The following ATP8A1 variants were observed in gnomAD, a reference collection of about 807,000 sequenced individuals.
ATP8A1 encodes the protein ATPase phospholipid transporting 8A1.
ATP8A1 carries 90 observed loss-of-function variants against 177.7 expected under a neutral mutation model. That is an observed-to-expected ratio of 0.51 (90% confidence interval 0.43 to 0.60). ATP8A1 has a LOEUF of 0.60. Among genes scored for constraint, ATP8A1 ranks in the 20% least tolerant of loss-of-function variants. The pLI is 0.00. For synonymous variants in ATP8A1, 493 were observed against 485.9 expected, an observed-to-expected ratio of 1.01 and a Z score of -0.19; for missense variants, 1,072 against 1,392.8, an observed-to-expected ratio of 0.77 and a Z score of 3.67.
chr4:42,543,416 A>C (rs1014755522), intron 20 of ATP8A1, among the ~76,000 whole-genome samples: 2 of 152,176 alleles, frequency 1.3e-5, no homozygotes, highest in Non-Finnish European at 2.9e-5. Context: ...ATTCAGTTAG[A>C]ATAACATATT....
rs567164882 is a variant in ATP8A1, at chr4:42,529,401, C to T, written c.1723-4554G>A. ...CATTTGACCATGGGTCATCAAGTCA[C>T]GATGCGACCTGAACTGCGTATCATG... is the stretch of plus-strand genomic sequence containing the variant. On this transcript the variant is annotated intron_variant, in intron 20 of 36. Coordinates refer to ENST00000381668, the MANE Select transcript of ATP8A1 (RefSeq NM_006095.2). Among the ~76,000 whole-genome samples, 29 of 152,310 alleles carry T rather than the reference C, an allele frequency of 1.9e-4. No individual in the cohort carries two copies. The South Asian group carries it at 5.0e-3, about 26-fold the overall frequency.
chr4:42,414,289 T>C (rs554003074), intron 36 of ATP8A1, among the ~76,000 whole-genome samples: 2 of 152,234 alleles, frequency 1.3e-5, no homozygotes, highest in Non-Finnish European at 2.9e-5. Context: ...TGAAAGGCTC[T>C]TGCAAAGTTA....
In ATP8A1 at chr4:42,500,947, T is replaced by C. The variant is rs185174737; in HGVS notation, c.2151+2503A>G. 7.2e-5 allele frequency among the ~76,000 whole-genome samples: 11 copies of C among 152,320 alleles called. No individual in the cohort carries two copies. In the East Asian group the frequency reaches 1.9e-3, roughly 27 times the overall value. On this transcript the variant is annotated intron_variant, in intron 24 of 36. Transcript: ENST00000381668. Reference sequence around the variant, plus strand: ...ATTTCTTCGGTGGTGATCTAGATTATGGAAGACAAAGATTTCTATTATCAT... The same window carrying C: ...ATTTCTTCGGTGGTGATCTAGATTACGGAAGACAAAGATTTCTATTATCAT...
chr4:42,496,125 CT>C (rs1435443879), intron 24 of ATP8A1, among the ~76,000 whole-genome samples: 1 of 152,140 alleles, frequency 6.6e-6, no homozygotes, highest in Non-Finnish European at 1.5e-5. Context: ...CAAATAAGTG[CT>C]TGCGAGGCAT....
intron 20 of ATP8A1, among the ~76,000 whole-genome samples, chr4:42,530,839 GGTGGAA>G (rs1484332116): frequency 6.6e-6 from 1 of 152,100 alleles, no homozygotes; most frequent in Non-Finnish European, 1.5e-5. Context: ...GGAATCAAGG[GGTGGAA>G]GTGGAAGTGG....
chr4:42,571,376 C>CA (rs148276106), intron 14 of ATP8A1, among the ~76,000 whole-genome samples: 2,554 of 151,658 alleles, frequency 0.017, 72 homozygotes, highest in African/African-American at 0.058. Context: ...CTTGTCCACA[C>CA]AAAAAAGCAT....
chr4:42,541,728 A>G lies in ATP8A1; in HGVS notation c.1722+2189T>C, dbSNP rs115929897. ...TCAAGCCATGAAAAGACATGGAGGA[A>G]CCTTAAATGAATATTACTAAGTGAA... On this transcript the variant is annotated intron_variant, in intron 20 of 36. Transcript: ENST00000381668. Among the ~76,000 whole-genome samples the G allele has an allele frequency of 4.6e-3, 704 of 152,310 alleles. 6 individuals carry two copies. Among genetic ancestry groups the G allele is most frequent in the African/African-American group, 0.015 (637 of 41,556 alleles).
At position 42,441,024 on chromosome 4, in the gene ATP8A1, T is replaced by C. The variant is rs145070646; in HGVS notation, c.3123+2541A>G. ...GATTAGATACTTATGACCCTGTTAG[T>C]GGTGGTGACAGAAATTACCTACACC... On this transcript the variant is annotated intron_variant, in intron 33 of 36. Coordinates refer to ENST00000381668, the MANE Select transcript of ATP8A1 (RefSeq NM_006095.2). 1.7e-3 allele frequency among the ~76,000 whole-genome samples: 260 copies of C among 152,308 alleles called. 1 individual carries two copies. Among genetic ancestry groups the C allele is most frequent in the African/African-American group, 5.5e-3 (230 of 41,566 alleles).
chr4:42,600,396 C>T, intron 6 of ATP8A1, 82 bp downstream of exon 6: 2 of 1,099,400 alleles, frequency 1.8e-6, no homozygotes, highest in Non-Finnish European at 2.5e-6. Flanking sequence ...CACATTTGCT[C>T]ATATTATACA....
At chr4:42,588,175 T>G (rs1410054667) in intron 8 of ATP8A1, 85 bp downstream of exon 8, 1 of 1,200,396 alleles carries the variant, frequency 8.3e-7, no homozygotes, top group Admixed American at 2.0e-5. Flanking sequence ...ACAGATTAGT[T>G]CAAGACAATA....
chr4:42,568,948 A>T (rs545114057), intron 15 of ATP8A1, among the ~76,000 whole-genome samples: 1 of 152,282 alleles, frequency 6.6e-6, no homozygotes, highest in South Asian at 2.1e-4. Flanking sequence ...TGGCAAACCT[A>T]ATCTATAAAC....
intron 7 of ATP8A1, 102 bp from the exon 8 acceptor site, chr4:42,588,431 C>T: frequency 1.1e-6 from 1 of 916,696 alleles, no homozygotes; most frequent in South Asian, 1.7e-5. Context: ...TCGTTCTAGA[C>T]AAAGTAATAG....
At chr4:42,618,535 C>A (rs1465612087) in intron 4 of ATP8A1, among the ~76,000 whole-genome samples, 2 of 152,174 alleles carry the variant, frequency 1.3e-5, no homozygotes, top group African/African-American at 4.8e-5. Flanking sequence ...ACATGCCATC[C>A]ATTTACCCAA....
intron 1 of ATP8A1, among the ~76,000 whole-genome samples, chr4:42,631,928 AATG>A (rs1317849129): frequency 6.6e-6 from 1 of 152,200 alleles, no homozygotes; most frequent in African/African-American, 2.4e-5. Context: ...ACACAAAGTA[AATG>A]ATGATAGTAA....
intron 6 of ATP8A1, chr4:42,594,500 G>T: frequency 1.7e-6 from 1 of 590,224 alleles, no homozygotes; most frequent in Admixed American, 2.7e-5. Flanking sequence ...CAAAATGGAA[G>T]AAAATTATCT....
intron 9 of ATP8A1, 46 bp from the exon 10 acceptor site, chr4:42,581,778 C>T: frequency 2.2e-6 from 3 of 1,376,558 alleles, no homozygotes; most frequent in Non-Finnish European, 3.1e-6. Flanking sequence ...TTCTAAAATG[C>T]TTAAGAACTC....
In ATP8A1 at chr4:42,455,561, G is replaced by C; in HGVS notation, c.2658C>G (p.Ile886Met). 1 of 1,613,486 alleles carries C rather than the reference G, an allele frequency of 6.2e-7. No individual in the cohort carries two copies. Among genetic ancestry groups the C allele is most frequent in the Non-Finnish European group, 8.5e-7 (1 of 1,179,730 alleles). Reference sequence around the variant, plus strand: ...GACCTATACACCATCTTTCAAAGAGGATCTGTCCAGAAAAGCCATTAACAA... The same window carrying C: ...GACCTATACACCATCTTTCAAAGAGCATCTGTCCAGAAAAGCCATTAACAA... ...FAFVNGFSGQ[I>M]LFERWCIGLY... The change falls in exon 28 of 37, where the codon ATC becomes ATG. Residue 886 changes from isoleucine to methionine, a missense_variant. This residue lies in a region of ATP8A1 where 316 missense variants were observed against 459.1 expected (regional missense o/e 0.69). Transcript: ENST00000381668.
chr4:42,600,835 C>T (rs770141389), intron 5 of ATP8A1, among the ~76,000 whole-genome samples: 1 of 151,852 alleles, frequency 6.6e-6, no homozygotes, highest in East Asian at 1.9e-4. Flanking sequence ...AAAAAGGAAG[C>T]GACAAGCTTA....
rs367648912 is a variant in ATP8A1 at position 42,558,308 on chromosome 4, AT to A, written c.1341-2269del. ...AATAAAAATGCAAGCCAACATCAAC[AT>A]TTGGTTACATCTTTGCCTAGTAATT... On this transcript the variant is annotated intron_variant, in intron 15 of 36. Transcript: ENST00000381668. 3.7e-4 allele frequency among the ~76,000 whole-genome samples: 56 copies of A among 152,340 alleles called. 1 individual carries two copies. In the South Asian group the frequency reaches 7.5e-3, roughly 20 times the overall value.
Sources: gnomAD v4.1 joint callset for allele counts (sites outside exome capture counted in the v4.1 genomes callset) on GRCh38, gnomAD v4.1.1 for gene constraint, gnomAD v4.1.1 regional missense constraint, MANE v1.5 for transcripts, NCBI Gene and HGNC (gene_info 2026-07-23, HGNC 2026-07-21) for gene names.